Variants in ADAM9 observed in about 807,000 individuals in gnomAD.
The protein encoded by ADAM9 is disintegrin and metalloproteinase domain-containing protein 9.
In ADAM9, 54 loss-of-function variants were observed where a neutral mutation model predicts 108.1. The observed-to-expected ratio is 0.50, with a 90% CI of 0.40 to 0.63. The LOEUF is 0.63. ADAM9 is among the 20% of genes least tolerant of loss of function. The pLI is 0.00. For synonymous variants in ADAM9, 316 were observed against 336.0 expected (o/e 0.94, Z 0.65); for missense variants, 830 against 997.7 (o/e 0.83, Z 2.26).
chr8:39,099,466 A>G (rs1177006100), intron 20 of ADAM9, among the ~76,000 whole-genome samples: 2 of 152,096 alleles, frequency 1.3e-5, no homozygotes, highest in Non-Finnish European at 2.9e-5. Flanking sequence ...TTGGTCCACT[A>G]TTTGCAAGAA....
At chr8:39,095,780 C>T (rs1263645113) in intron 20 of ADAM9, among the ~76,000 whole-genome samples, 2 of 152,084 alleles carry the variant, frequency 1.3e-5, no homozygotes, top group South Asian at 2.1e-4. Flanking sequence ...AATTAATATT[C>T]GCTTTATATA....
Position 39,017,254 on chromosome 8 carries a change from T to C in ADAM9, c.446T>C (p.Ile149Thr). 6.2e-7 allele frequency: 1 copy of C among 1,614,154 alleles called. No individual in the cohort carries two copies. Among genetic ancestry groups the C allele is most frequent in the Non-Finnish European group, 8.5e-7 (1 of 1,180,022 alleles). ...CATTTAGAGAATGCGAGTTATGGGA[T>C]TGAACCCCTGCAGAACAGCTCTCAT... is the stretch of plus-strand genomic sequence containing the variant. ...LLHLENASYG[I>T]EPLQNSSHFE... Residue 149 changes from isoleucine (I) to threonine (T), a missense_variant, in exon 6 of 22, where the codon ATT becomes ACT. By Grantham distance (89) the Ile-to-Thr change is moderately conservative (BLOSUM62 -1). This residue lies in a region of ADAM9 where 211 missense variants were observed against 222.2 expected (regional missense o/e 0.95). Transcript: ENST00000487273.
intron 20 of ADAM9, 106 bp downstream of exon 20, chr8:39,091,452 C>A: frequency 9.5e-7 from 1 of 1,047,612 alleles, no homozygotes. Flanking sequence ...TAGATACCTT[C>A]TTAAGAATTC....
chr8:39,064,779 A>C (rs1046631537), intron 14 of ADAM9, among the ~76,000 whole-genome samples: 8 of 152,206 alleles, frequency 5.3e-5, no homozygotes, highest in African/African-American at 1.9e-4. Context: ...AGATCCTGCA[A>C]GTGTGAAAAT....
At chr8:39,089,091 A>G (rs1237688324) in intron 18 of ADAM9, among the ~76,000 whole-genome samples, 1 of 152,072 alleles carries the variant, frequency 6.6e-6, no homozygotes, top group African/African-American at 2.4e-5. Context: ...TACTAATAAT[A>G]CAAAAAAATT....
chr8:39,097,105 C>G (rs1839529570), intron 20 of ADAM9, among the ~76,000 whole-genome samples: 1 of 152,114 alleles, frequency 6.6e-6, no homozygotes, highest in African/African-American at 2.4e-5. Context: ...GAAGAATTAG[C>G]TGCCTTTCTC....
rs183431064 is a variant in ADAM9, at chr8:39,034,959, G to A, written c.1131-6987G>A. ...GAAATTTTTTAGTGTTTTAAAGTTT[G>A]TGGCTTGATATTTTTCATCAGTCGG... On this transcript the variant is annotated intron_variant, in intron 11 of 21. Transcript: ENST00000487273. 3.7e-3 allele frequency among the ~76,000 whole-genome samples: 556 copies of A among 152,210 alleles called. 4 individuals carry two copies. The highest frequency in any genetic ancestry group is 3.6e-3 in the Non-Finnish European group (244 of 67,996).
intron 8 of ADAM9, among the ~76,000 whole-genome samples, chr8:39,022,547 A>G (rs1028297303): frequency 1.3e-5 from 2 of 152,210 alleles, no homozygotes; most frequent in African/African-American, 4.8e-5. Flanking sequence ...AATGTGGACT[A>G]TGAATGGGCT....
chr8:39,029,134 T>TG (rs1313358507), intron 11 of ADAM9, among the ~76,000 whole-genome samples: 5 of 150,672 alleles, frequency 3.3e-5, no homozygotes, highest in Non-Finnish European at 5.9e-5. Context: ...TGTTGTTGTT[T>TG]TTTTTTTTTT....
At chr8:39,099,871 G>A (rs1271299582) in intron 20 of ADAM9, among the ~76,000 whole-genome samples, 1 of 104,802 alleles carries the variant, frequency 9.5e-6, no homozygotes, top group African/African-American at 3.5e-5. Context: ...GGGGTATCGT[G>A]TTTGTTTTTT....
At position 39,023,162 on chromosome 8, in the gene ADAM9, A is replaced by G. The variant is rs776057989; in HGVS notation, c.751A>G (p.Ile251Val). Residue 251 changes from isoleucine (I) to valine (V), a missense_variant, in exon 9 of 22, where the codon ATT becomes GTT. Transcript: ENST00000487273. ...LLANYLDSMYIMLNIRIVLVG... is the reference protein window; with the variant it reads ...LLANYLDSMYVMLNIRIVLVG... The stretch of plus-strand genomic sequence containing the variant: ...TTTATTTCTTTCTTCCCAGATGTAT[A>G]TTATGTTAAATATTCGAATTGTGCT... 1.4e-5 allele frequency: 23 copies of G among 1,610,530 alleles called. No homozygotes were observed. The highest frequency in any genetic ancestry group is 2.7e-5 in the African/African-American group (2 of 74,684).
intron 18 of ADAM9, among the ~76,000 whole-genome samples, chr8:39,087,045 C>A (rs1839200925): frequency 6.6e-6 from 1 of 152,200 alleles, no homozygotes; most frequent in African/African-American, 2.4e-5. Context: ...AGCACCGATG[C>A]AGATCTTTCA....
rs796533987 is a variant in ADAM9, at chr8:39,020,816, C to T, written c.673-827C>T. Among the ~76,000 whole-genome samples the T allele has an allele frequency of 2.3e-4, 35 of 152,132 alleles. 1 individual carries two copies. The highest frequency in any genetic ancestry group is 8.4e-4 in the African/African-American group (35 of 41,494). ...TCCACTATGTGGCTGCACAGAGTCT[C>T]TCTGAACCTGTTCTGGTTTGGAAGC... On this transcript the variant is annotated intron_variant, in intron 7 of 21. Transcript: ENST00000487273.
At chr8:39,055,441 T>C in intron 13 of ADAM9, 136 bp from the exon 14 acceptor site, 1 of 851,958 alleles carries the variant, frequency 1.2e-6, no homozygotes, top group Non-Finnish European at 1.9e-6. Context: ...TAGCCATTGT[T>C]CATTTTTCTG....
chr8:39,088,781 G>A (rs1839256099), intron 18 of ADAM9, among the ~76,000 whole-genome samples: 1 of 152,098 alleles, frequency 6.6e-6, no homozygotes, highest in Admixed American at 6.5e-5. Flanking sequence ...CTTTTCCGTG[G>A]AGAAAAGCAT....
intron 1 of ADAM9, among the ~76,000 whole-genome samples, chr8:39,001,704 G>A (rs1241028332): frequency 3.3e-5 from 5 of 150,010 alleles, no homozygotes; most frequent in Non-Finnish European, 7.4e-5. Context: ...GTCTCACACT[G>A]TTGCCCAGAC....
At position 39,105,070 on chromosome 8, in the gene ADAM9, G is replaced by T; in HGVS notation, c.*1370G>T. 5.0e-6 allele frequency: 2 copies of T among 400,956 alleles called. No homozygotes were observed. Among genetic ancestry groups the T allele is most frequent in the Non-Finnish European group, 9.5e-6 (2 of 209,892 alleles). 24.8% of individuals were successfully genotyped at this position (400,956 alleles called of 1,614,324 possible). On this transcript the variant is annotated 3_prime_UTR_variant, in exon 22 of 22. Transcript: ENST00000487273. Reference sequence around the variant, plus strand: ...CATTAATTAAAAAGTTATAATTTTAGATAAAAATTCTAGTCAAATTTTTAC... The same window carrying T: ...CATTAATTAAAAAGTTATAATTTTATATAAAAATTCTAGTCAAATTTTTAC...
intron 18 of ADAM9, among the ~76,000 whole-genome samples, chr8:39,084,234 T>C (rs1839111194): frequency 6.6e-6 from 1 of 152,118 alleles, no homozygotes; most frequent in South Asian, 2.1e-4. Flanking sequence ...ATTCAAGTTC[T>C]TTATGAAATA....
At chr8:39,038,189 C>T (rs767899949) in intron 11 of ADAM9, among the ~76,000 whole-genome samples, 13 of 152,164 alleles carry the variant, frequency 8.5e-5, no homozygotes, top group Non-Finnish European at 1.8e-4. Flanking sequence ...CCTATTAAAA[C>T]ATTAGTCAAA....
Sources: allele counts gnomAD v4.1 joint callset (sites outside exome capture counted in the v4.1 genomes callset), GRCh38; gene constraint gnomAD v4.1.1; regional missense constraint gnomAD v4.1.1; transcripts MANE v1.5; gene names NCBI Gene and HGNC (gene_info 2026-07-23, HGNC 2026-07-21).